CCDC171: variants seen among roughly 807,000 people sequenced by gnomAD.
CCDC171 encodes coiled-coil domain-containing protein 171.
Under a neutral mutation model 168.2 loss-of-function variants are expected in CCDC171, and 177 were observed. That is an observed-to-expected ratio of 1.05 (90% CI 0.93 to 1.19). The LOEUF is 1.19. CCDC171 is among the 50% of genes most tolerant of loss of function. The probability of loss-of-function intolerance (pLI) is 0.00; values close to 1 mark genes in which losing one functional copy is unlikely to be tolerated. For synonymous variants in CCDC171, 687 were observed against 540.8 expected, an observed-to-expected ratio of 1.27 and a Z score of -3.75; for missense variants, 1,991 against 1,539.0, an observed-to-expected ratio of 1.29 and a Z score of -4.91.
At chr9:15,999,805 G>T (rs1832486764) in intron 3 of CCDC171, among the ~76,000 whole-genome samples, 1 of 152,178 alleles carries the variant, frequency 6.6e-6, no homozygotes, top group African/African-American at 2.4e-5. Flanking sequence ...TCTGCTCTTA[G>T]ATTCCACAAC....
At chr9:15,650,724 T>A (rs1168163916) in intron 7 of CCDC171, among the ~76,000 whole-genome samples, 1 of 152,240 alleles carries the variant, frequency 6.6e-6, no homozygotes, top group African/African-American at 2.4e-5. Context: ...CTTTTAGTTT[T>A]AATTTTGTAT....
intron 6 of CCDC171, among the ~76,000 whole-genome samples, chr9:15,607,300 C>T (rs1465749749): frequency 1.3e-5 from 2 of 152,140 alleles, no homozygotes; most frequent in Non-Finnish European, 2.9e-5. Context: ...ACTTCCCCAT[C>T]CTGCCACAAC....
At chr9:16,102,234 G>A in the CCDC171 span, among the ~76,000 whole-genome samples, 1 of 152,252 alleles carries the variant, frequency 6.6e-6, no homozygotes. Flanking sequence ...GATATTGTCT[G>A]TTTTGGTGTC....
At chr9:15,752,409 T>G (rs1369160494) in intron 18 of CCDC171, among the ~76,000 whole-genome samples, 2 of 152,178 alleles carry the variant, frequency 1.3e-5, no homozygotes, top group Non-Finnish European at 2.9e-5. Flanking sequence ...TGGTATATAC[T>G]GAAAGGATTG....
At chr9:15,728,850 T>TA (rs985596806) in intron 15 of CCDC171, among the ~76,000 whole-genome samples, 12 of 148,528 alleles carry the variant, frequency 8.1e-5, no homozygotes, top group African/African-American at 1.2e-4. Context: ...TCCCGTAAGT[T>TA]AAAAAAAAAA....
At chr9:15,661,221 A>G (rs1564159686) in intron 8 of CCDC171, among the ~76,000 whole-genome samples, 1 of 149,988 alleles carries the variant, frequency 6.7e-6, no homozygotes, top group Non-Finnish European at 1.5e-5. Context: ...TGGAGGCTGC[A>G]GTGAGCAGAG....
At chr9:15,647,800 C>T (rs1051069760) in intron 7 of CCDC171, among the ~76,000 whole-genome samples, 5 of 152,148 alleles carry the variant, frequency 3.3e-5, no homozygotes, top group Non-Finnish European at 7.3e-5. Flanking sequence ...CGATTCACAG[C>T]CGAATTCTGC....
intron 6 of CCDC171, among the ~76,000 whole-genome samples, chr9:15,601,624 A>G (rs945470447): frequency 6.6e-6 from 1 of 152,214 alleles, no homozygotes; most frequent in Non-Finnish European, 1.5e-5. Context: ...ATTTCAGCGC[A>G]GAGACATGTA....
intron 24 of CCDC171, chr9:15,883,132 A>G: frequency 2.5e-6 from 1 of 397,976 alleles, no homozygotes; most frequent in Non-Finnish European, 5.0e-6. Context: ...GGGCTCAAGC[A>G]ATCTTCCTGC....
the CCDC171 span, among the ~76,000 whole-genome samples, chr9:16,104,846 C>T: frequency 6.6e-6 from 1 of 151,880 alleles, no homozygotes; most frequent in South Asian, 2.1e-4. Context: ...CCTTGACCTA[C>T]GGGGCTCAGC....
chr9:15,999,819 T>A (rs117157806), intron 3 of CCDC171, among the ~76,000 whole-genome samples: 1 of 152,144 alleles, frequency 6.6e-6, no homozygotes, highest in African/African-American at 2.4e-5. Flanking sequence ...CCACAACTTA[T>A]CTGGAGACGG....
Position 15,666,204 on chromosome 9 carries a change from G to T in CCDC171, c.957G>T (p.Lys319Asn), listed in dbSNP as rs2048722526. 1.2e-6 allele frequency: 2 copies of T among 1,613,694 alleles called. No homozygotes were observed. The highest frequency in any genetic ancestry group is 2.7e-5 in the African/African-American group (2 of 74,884). ...RDLEGALQVE[K>N]ASQAEAVADL... ...TTGAAGGAGCTTTGCAAGTAGAGAA[G>T]GCCAGTCAAGCAGAAGCTGTTGCTG... The change falls in exon 9 of 26, where the codon AAG (lysine) becomes AAT (asparagine). Residue 319 changes from lysine (K) to asparagine (N), a missense_variant. Transcript: ENST00000380701.
intron 14 of CCDC171, among the ~76,000 whole-genome samples, chr9:15,727,629 C>G (rs1054551436): frequency 7.2e-5 from 11 of 152,092 alleles, no homozygotes; most frequent in African/African-American, 2.7e-4. Context: ...GGAGATGAAT[C>G]TTGGTCTTCT....
intron 18 of CCDC171, among the ~76,000 whole-genome samples, chr9:15,768,361 C>G (rs765718688): frequency 6.6e-6 from 1 of 152,106 alleles, no homozygotes; most frequent in Non-Finnish European, 1.5e-5. Context: ...TACTCTTATT[C>G]TCCATATTCT....
chr9:15,581,144 A>G (rs1021595688), intron 4 of CCDC171, among the ~76,000 whole-genome samples: 4 of 152,148 alleles, frequency 2.6e-5, no homozygotes, highest in Admixed American at 6.5e-5. Flanking sequence ...ATAACAGACA[A>G]ACAGAGAGCC....
intron 4 of CCDC171, among the ~76,000 whole-genome samples, chr9:15,580,899 C>G (rs1297424100): frequency 6.6e-6 from 1 of 152,118 alleles, no homozygotes; most frequent in Non-Finnish European, 1.5e-5. Flanking sequence ...CTCACCACTC[C>G]TAGTCAACAT....
At chr9:15,844,401 TA>T (rs2060810767) in intron 21 of CCDC171, among the ~76,000 whole-genome samples, 1 of 152,074 alleles carries the variant, frequency 6.6e-6, no homozygotes, top group East Asian at 1.9e-4. Flanking sequence ...TTTTGTTATT[TA>T]AAAAAGGTTA....
chr9:15,807,640 A>G (rs1452183004), intron 21 of CCDC171, among the ~76,000 whole-genome samples: 1 of 149,892 alleles, frequency 6.7e-6, no homozygotes, highest in East Asian at 1.9e-4. Context: ...CAGTTGCTCA[A>G]TTGCCTTACC....
intron 24 of CCDC171, among the ~76,000 whole-genome samples, chr9:15,891,810 G>A (rs571947016): frequency 3.3e-5 from 5 of 152,202 alleles, no homozygotes; most frequent in African/African-American, 1.2e-4. Flanking sequence ...CGAGCATGCA[G>A]GGAGGATGAA....
Sources: gnomAD v4.1 joint callset for allele counts (sites outside exome capture counted in the v4.1 genomes callset) on GRCh38, gnomAD v4.1.1 for gene constraint, MANE v1.5 for transcripts, NCBI Gene and HGNC (gene_info 2026-07-23, HGNC 2026-07-21) for gene names.